ARHGAP32: variants seen among roughly 807,000 people sequenced by gnomAD.
The protein encoded by ARHGAP32 is rho GTPase-activating protein 32.
A neutral mutation model predicts 186.5 loss-of-function variants in ARHGAP32; 51 were observed. The observed-to-expected ratio is 0.27, with a 90% confidence interval of 0.22 to 0.35. The LOEUF (loss-of-function observed/expected upper bound fraction) is 0.35. Ranked by LOEUF, ARHGAP32 falls within the 10% of genes least tolerant of loss-of-function variation. ARHGAP32 has a pLI of 1.00. For synonymous variants in ARHGAP32, 950 were observed against 964.3 expected, an observed-to-expected ratio of 0.99 and a Z score of 0.27; for missense variants, 2,186 against 2,623.5, an observed-to-expected ratio of 0.83 and a Z score of 3.64.
rs558412420 is a variant in ARHGAP32 at position 129,066,922 on chromosome 11, T to C, written c.532-54A>G. On this transcript the variant is annotated intron_variant, in intron 6 of 22. Transcript: ENST00000682385. ...ATTCACCTCTATTGGGAAATACTTA[T>C]GAATCAGGCCATATTCTATAATGTG... 10 of 1,396,284 alleles carry C rather than the reference T, an allele frequency of 7.2e-6. No homozygotes were observed. In the East Asian group the frequency reaches 2.2e-4, roughly 30 times the overall value. The allele number at this position is 1,396,284 out of a possible 1,614,324, so 86.5% of individuals were successfully genotyped here.
intron 2 of ARHGAP32, among the ~76,000 whole-genome samples, chr11:129,139,377 T>C (rs1049501875): frequency 6.6e-6 from 1 of 152,224 alleles, no homozygotes; most frequent in Non-Finnish European, 1.5e-5. Flanking sequence ...AGATTATATA[T>C]ATGCTTCCCC....
rs886102587 is a variant in ARHGAP32 at position 129,143,088 on chromosome 11, T to TATATATATATAA, written c.226-18195_226-18194insTTATATATATAT. Among the ~76,000 whole-genome samples the TATATATATATAA allele has an allele frequency of 1.7e-3, 247 of 149,074 alleles. 2 individuals carry two copies. The highest frequency in any genetic ancestry group is 2.5e-3 in the Non-Finnish European group (169 of 67,402). Reference sequence around the variant, plus strand: ...GTAAAACTGCATATATATATATATATAATCAACTGAATAAACGAGATTTTG... The same window carrying TATATATATATAA: ...GTAAAACTGCATATATATATATATATATATATATATAAAATCAACTGAATAAACGAGATTTTG... On this transcript the variant is annotated intron_variant, in intron 2 of 22. Transcript: ENST00000682385.
At chr11:129,145,441 A>G (rs1943148833) in intron 2 of ARHGAP32, among the ~76,000 whole-genome samples, 1 of 152,142 alleles carries the variant, frequency 6.6e-6, no homozygotes, top group Non-Finnish European at 1.5e-5. Flanking sequence ...AGGAAGAAAT[A>G]GCAAGATCCT....
At chr11:129,177,657 C>T (rs1591675201) in intron 1 of ARHGAP32, among the ~76,000 whole-genome samples, 1 of 152,140 alleles carries the variant, frequency 6.6e-6, no homozygotes, top group South Asian at 2.1e-4. Flanking sequence ...AAATGTAATC[C>T]AGCATATAAA....
chr11:129,057,724 G>C (rs1940310429), intron 10 of ARHGAP32, among the ~76,000 whole-genome samples: 1 of 150,140 alleles, frequency 6.7e-6, no homozygotes, highest in Non-Finnish European at 1.5e-5. Flanking sequence ...AAAAAAATCT[G>C]TGTATTAGTG....
chr11:129,164,581 C>G (rs1943594680), intron 1 of ARHGAP32, among the ~76,000 whole-genome samples, 154 bp from the exon 2 acceptor site: 1 of 152,138 alleles, frequency 6.6e-6, no homozygotes, highest in African/African-American at 2.4e-5. Flanking sequence ...TATTTCTACT[C>G]TGGCTTTCAG....
chr11:129,158,152 A>T (rs1210061489), intron 2 of ARHGAP32, among the ~76,000 whole-genome samples: 5 of 152,222 alleles, frequency 3.3e-5, no homozygotes, highest in Non-Finnish European at 5.9e-5. Flanking sequence ...CAACACTATG[A>T]ATAAACTGCA....
In ARHGAP32 at chr11:129,123,075, G is replaced by T. The variant is rs569229063; in HGVS notation, c.444+371C>A. Reference sequence around the variant, plus strand: ...CATTTCTGAAAAAGAAGAATAAAGTGAGAACACTTTAATCTACCAAGTATC... The same window carrying T: ...CATTTCTGAAAAAGAAGAATAAAGTTAGAACACTTTAATCTACCAAGTATC... On this transcript the variant is annotated intron_variant, in intron 5 of 22. Transcript: ENST00000682385. The surrounding 1 kb of genome is among the most constrained non-coding windows in gnomAD (Gnocchi z 4.6). 6.6e-6 allele frequency among the ~76,000 whole-genome samples: 1 copy of T among 152,134 alleles called. No individual in the cohort carries two copies. The highest frequency in any genetic ancestry group is 6.5e-5 in the Admixed American group (1 of 15,270).
chr11:129,274,468 CCT>C (rs927221951), intron 1 of ARHGAP32, among the ~76,000 whole-genome samples: 5 of 152,106 alleles, frequency 3.3e-5, no homozygotes, highest in African/African-American at 1.2e-4. Flanking sequence ...AGTGCCCTCC[CCT>C]GTCTCCTCTG....
At chr11:129,032,238 G>T (rs181839193) in intron 11 of ARHGAP32, among the ~76,000 whole-genome samples, 16 of 152,320 alleles carry the variant, frequency 1.1e-4, no homozygotes, top group African/African-American at 3.6e-4. Context: ...GCCAAGGGTC[G>T]TGGGTAACTT....
intron 5 of ARHGAP32, among the ~76,000 whole-genome samples, chr11:129,115,958 TG>T (rs1205675869): frequency 6.6e-6 from 1 of 152,118 alleles, no homozygotes; most frequent in African/African-American, 2.4e-5. Flanking sequence ...AGAGTTCTCT[TG>T]TGGTACCAAA....
At chr11:129,197,112 G>A (rs1233540576), upstream of ARHGAP32, among the ~76,000 whole-genome samples, 3 of 152,088 alleles carry the variant, frequency 2.0e-5, no homozygotes, top group Admixed American at 6.6e-5. Flanking sequence ...CATATGAAAT[G>A]TTACTTCTGT....
intron 6 of ARHGAP32, among the ~76,000 whole-genome samples, chr11:129,086,717 A>AT (rs1941414639): frequency 6.6e-6 from 1 of 151,070 alleles, no homozygotes; most frequent in Non-Finnish European, 1.5e-5. Flanking sequence ...GCTACTCAGA[A>AT]GGCTGAGGCA....
intron 8 of ARHGAP32, among the ~76,000 whole-genome samples, chr11:129,064,233 C>CAA (rs147900948): frequency 6.7e-6 from 1 of 150,014 alleles, no homozygotes. Context: ...CTCATAACTC[C>CAA]AAAAAAAAAT....
chr11:129,077,408 T>C (rs1941078150), intron 6 of ARHGAP32, among the ~76,000 whole-genome samples: 1 of 152,038 alleles, frequency 6.6e-6, no homozygotes, highest in Non-Finnish European at 1.5e-5. Flanking sequence ...TGGGGCAAGA[T>C]TTCAGTCCTG....
chr11:129,210,162 G>A (rs1394357479), intron 1 of ARHGAP32, among the ~76,000 whole-genome samples: 2 of 152,150 alleles, frequency 1.3e-5, no homozygotes, highest in African/African-American at 2.4e-5. Context: ...AGAATGAGAA[G>A]CCAGAGAAGC....
intron 1 of ARHGAP32, among the ~76,000 whole-genome samples, chr11:129,185,793 C>T (rs1944148088): frequency 1.3e-5 from 2 of 151,228 alleles, no homozygotes; most frequent in African/African-American, 4.9e-5. Context: ...GAAGAGAGAA[C>T]CATGATTTAA....
Position 128,965,184 on chromosome 11 carries a change from C to G in ARHGAP32, c.*3723G>C, listed in dbSNP as rs1354998875. ...CCTTCCTCCCTCCCCTGCCACCCCC[C>G]ACCCCACCCTGCAACCAAAGAAACA... On this transcript the variant is annotated 3_prime_UTR_variant, in exon 23 of 23. Transcript: ENST00000682385. 2 of 151,928 alleles carry G rather than the reference C, an allele frequency of 1.3e-5. No individual in the cohort carries two copies. The highest frequency in any genetic ancestry group is 2.9e-5 in the Non-Finnish European group (2 of 68,008). The allele number at this position is 151,928 out of a possible 1,614,324, so 9.4% of individuals were successfully genotyped here. A position where few individuals can be genotyped will look rare whatever the true frequency, so the allele number is the denominator to read the frequency against.
chr11:129,121,596 A>G (rs1942531662), intron 5 of ARHGAP32, among the ~76,000 whole-genome samples: 1 of 152,062 alleles, frequency 6.6e-6, no homozygotes, highest in African/African-American at 2.4e-5. Flanking sequence ...CTCCTGGTCA[A>G]TCAATACAAT....
Sources: gnomAD v4.1 joint callset for allele counts (sites outside exome capture counted in the v4.1 genomes callset) on GRCh38, gnomAD v4.1.1 for gene constraint, Gnocchi (gnomAD v3.1) non-coding constraint, MANE v1.5 for transcripts, NCBI Gene and HGNC (gene_info 2026-07-23, HGNC 2026-07-21) for gene names.